The following BLMH variants were observed in gnomAD, a reference collection of about 807,000 sequenced individuals.
The protein encoded by BLMH is bleomycin hydrolase.
In BLMH, 32 loss-of-function variants were observed where a neutral mutation model predicts 61.6. The observed-to-expected ratio is 0.52, with a 90% CI of 0.39 to 0.70. The LOEUF (loss-of-function observed/expected upper bound fraction) is 0.70. BLMH is among the 30% of genes least tolerant of loss of function. BLMH has a pLI of 0.00. For missense variants in BLMH, 460 were observed against 555.5 expected, an observed-to-expected ratio of 0.83 and a Z score of 1.73; for synonymous variants, 183 against 193.8, an observed-to-expected ratio of 0.94 and a Z score of 0.46.
intron 6 of BLMH, among the ~76,000 whole-genome samples, chr17:30,278,403 A>G (rs577655859): frequency 6.6e-6 from 1 of 152,314 alleles, no homozygotes; most frequent in East Asian, 1.9e-4. Flanking sequence ...AAAACCAACA[A>G]TTAGCCCATT....
At chr17:30,269,425 C>G (rs540977994) in intron 10 of BLMH, among the ~76,000 whole-genome samples, 1 of 152,194 alleles carries the variant, frequency 6.6e-6, no homozygotes, top group African/African-American at 2.4e-5. Context: ...AGGTGATCCT[C>G]CCGCCTCAGC....
At chr17:30,262,021 A>G (rs75433894) in intron 11 of BLMH, among the ~76,000 whole-genome samples, 1,735 of 152,340 alleles carry the variant, frequency 0.011, 28 homozygotes, top group African/African-American at 0.04. Flanking sequence ...CATGTATCTG[A>G]AAGGAACAAA....
At chr17:30,289,292 TG>T in intron 3 of BLMH, 80 bp downstream of exon 3, 1 of 830,244 alleles carries the variant, frequency 1.2e-6, no homozygotes, top group Non-Finnish European at 1.8e-6. Context: ...AGGCTATAAC[TG>T]GAAAAGCTAC....
intron 6 of BLMH, among the ~76,000 whole-genome samples, chr17:30,281,733 T>C (rs1908598834): frequency 6.6e-6 from 1 of 152,178 alleles, no homozygotes; most frequent in Non-Finnish European, 1.5e-5. Flanking sequence ...GTGGTGACAA[T>C]CATAGCTCAC....
chr17:30,271,166 C>T (rs2143021789), intron 10 of BLMH, 105 bp downstream of exon 10: 2 of 868,346 alleles, frequency 2.3e-6, no homozygotes, highest in East Asian at 2.5e-5. Context: ...TAACTTTTAA[C>T]AGAAATCATA....
At position 30,271,337 on chromosome 17, in the gene BLMH, C is replaced by A; in HGVS notation, c.1080G>T (p.Ala360=). Residue 360 remains alanine (A), a synonymous_variant, in exon 10 of 12, where the codon GCG becomes GCT. Coordinates refer to ENST00000261714, the MANE Select transcript of BLMH (RefSeq NM_000386.4). The part of the protein sequence containing the change: ...FGVSLKNMNK[A]ERLTFGESLM... ...GTGACTCACCAAAAGTCAGCCTCTC[C>A]GCTTTATTCATGTTCTTCAAGGAGA... 1 of 1,614,120 alleles carries A rather than the reference C, an allele frequency of 6.2e-7. No individual in the cohort carries two copies. The highest frequency in any genetic ancestry group is 8.5e-7 in the Non-Finnish European group (1 of 1,180,004).
At position 30,271,349 on chromosome 17, in the gene BLMH, GTTC is replaced by G. The variant is rs1447017424; in HGVS notation, c.1065_1067del (p.Lys355del). On this transcript the variant is annotated inframe_deletion, in exon 10 of 12. Transcript: ENST00000261714. The stretch of plus-strand genomic sequence containing the variant: ...AAGTCAGCCTCTCCGCTTTATTCAT[GTTC>G]TTCAAGGAGACACCAAACACTAACT... 1.9e-6 allele frequency: 3 copies of G among 1,613,968 alleles called. No individual in the cohort carries two copies. Among genetic ancestry groups the G allele is most frequent in the Non-Finnish European group, 2.5e-6 (3 of 1,179,980 alleles).
intron 4 of BLMH, among the ~76,000 whole-genome samples, 159 bp downstream of exon 4, chr17:30,287,647 T>A (rs537324269): frequency 6.6e-6 from 1 of 152,246 alleles, no homozygotes; most frequent in African/African-American, 2.4e-5. Context: ...AGGCACTTTA[T>A]AGGTGAGAAT....
chr17:30,254,211 G>A (rs2143019629), intron 11 of BLMH, among the ~76,000 whole-genome samples: 1 of 152,270 alleles, frequency 6.6e-6, no homozygotes, highest in East Asian at 1.9e-4. Context: ...CAAACTGTAT[G>A]TGGCTATTAT....
intron 11 of BLMH, among the ~76,000 whole-genome samples, chr17:30,256,754 A>G (rs1357538088): frequency 6.6e-6 from 1 of 152,158 alleles, no homozygotes; most frequent in Admixed American, 6.5e-5. Flanking sequence ...AAGAAGGATA[A>G]GTGAGAAGAA....
At chr17:30,274,934 G>C (rs910213301) in intron 6 of BLMH, among the ~76,000 whole-genome samples, 12 of 149,644 alleles carry the variant, frequency 8.0e-5, no homozygotes, top group African/African-American at 2.5e-4. Flanking sequence ...AGCCATGATC[G>C]TGCCACTACA....
chr17:30,251,715 G>T (rs953246047), intron 11 of BLMH, among the ~76,000 whole-genome samples: 2 of 152,204 alleles, frequency 1.3e-5, no homozygotes, highest in African/African-American at 4.8e-5. Context: ...AGGACCAAGA[G>T]AACGGAGAAG....
At chr17:30,262,599 C>A (rs1325043273) in intron 11 of BLMH, among the ~76,000 whole-genome samples, 13 of 152,108 alleles carry the variant, frequency 8.5e-5, no homozygotes. Flanking sequence ...TCGAGACCAT[C>A]CTGGCTAACA....
Position 30,248,787 on chromosome 17 carries a change from G to A in BLMH, c.*230C>T. On this transcript the variant is annotated 3_prime_UTR_variant, in exon 12 of 12. Coordinates refer to ENST00000261714, the MANE Select transcript of BLMH (RefSeq NM_000386.4). ...TAAGAGATCCTGAGCTGTTAGAGAT[G>A]AGGAGAGTAGATAGTATGACCTGAT... 1 of 500,002 alleles carries A rather than the reference G, an allele frequency of 2.0e-6. No individual in the cohort carries two copies. The highest frequency in any genetic ancestry group is 3.5e-6 in the Non-Finnish European group (1 of 283,078). The allele number at this position is 500,002 out of a possible 1,614,324, so 31.0% of individuals were successfully genotyped here. A position where few individuals can be genotyped will look rare whatever the true frequency, so the allele number is the denominator to read the frequency against.
Position 30,272,626 on chromosome 17 carries a change from A to G in BLMH, c.963T>C (p.Ala321=), listed in dbSNP as rs746289690. The change falls in exon 9 of 12, where the codon GCT becomes GCC. Residue 321 remains alanine, a splice_region_variant and synonymous_variant. Coordinates refer to ENST00000261714, the MANE Select transcript of BLMH (RefSeq NM_000386.4). ...MVAASIKDGE[A]VWFGCDVGKH... Reference sequence around the variant, plus strand: ...TTCCAACATCACAGCCAAACCACACAGCCTAGAAACAGAAGAAAGAGGAAG... The same window carrying G: ...TTCCAACATCACAGCCAAACCACACGGCCTAGAAACAGAAGAAAGAGGAAG... 6.2e-7 allele frequency: 1 copy of G among 1,614,180 alleles called. No homozygotes were observed. The highest frequency in any genetic ancestry group is 8.5e-7 in the Non-Finnish European group (1 of 1,180,034).
rs373475025 is a variant in BLMH at position 30,274,100 on chromosome 17, A to G, written c.743T>C (p.Ile248Thr). ...TTCCCTGTAAAACTCCAAGGGTGTT[A>G]TGGGGCCAATTTTCTGATAATTTTT... ...KDKNYQKIGP[I>T]TPLEFYREHV... The change falls in exon 7 of 12, where the codon ATA becomes ACA. Residue 248 changes from isoleucine (I) to threonine (T), a missense_variant. This residue lies in a region of BLMH where 310 missense variants were observed against 371.1 expected (regional missense o/e 0.84). Transcript: ENST00000261714. 5 of 1,614,044 alleles carry G rather than the reference A, an allele frequency of 3.1e-6. No individual in the cohort carries two copies. The highest frequency in any genetic ancestry group is 4.2e-6 in the Non-Finnish European group (5 of 1,180,018).
At chr17:30,253,767 G>T (rs187319595) in intron 11 of BLMH, among the ~76,000 whole-genome samples, 1 of 152,148 alleles carries the variant, frequency 6.6e-6, no homozygotes, top group Non-Finnish European at 1.5e-5. Flanking sequence ...TCAGCTTTAG[G>T]AACTAAGGTG....
intron 11 of BLMH, among the ~76,000 whole-genome samples, chr17:30,260,402 G>A (rs1180978134): frequency 6.6e-6 from 1 of 152,186 alleles, no homozygotes; most frequent in African/African-American, 2.4e-5. Context: ...CTCATTGCAG[G>A]TTAGGAGCTC....
Position 30,271,348 on chromosome 17 carries a change from T to A in BLMH, c.1069A>T (p.Met357Leu). The change falls in exon 10 of 12, where the codon ATG (methionine) becomes TTG (leucine). Residue 357 changes from methionine to leucine, a missense_variant. Transcript: ENST00000261714. ...AAAGTCAGCCTCTCCGCTTTATTCA[T>A]GTTCTTCAAGGAGACACCAAACACT... ...ELVFGVSLKN[M>L]NKAERLTFGE... 1 of 1,614,156 alleles carries A rather than the reference T, an allele frequency of 6.2e-7. No individual in the cohort carries two copies. The highest frequency in any genetic ancestry group is 2.2e-5 in the East Asian group (1 of 44,886).
Sources: gnomAD v4.1 joint callset for allele counts (sites outside exome capture counted in the v4.1 genomes callset) on GRCh38, gnomAD v4.1.1 for gene constraint, gnomAD v4.1.1 regional missense constraint, MANE v1.5 for transcripts, NCBI Gene and HGNC (gene_info 2026-07-23, HGNC 2026-07-21) for gene names.